The following HACE1 variants were observed in gnomAD, a reference collection of about 807,000 sequenced individuals.
The protein encoded by HACE1 is E3 ubiquitin-protein ligase HACE1.
A neutral mutation model predicts 118.4 loss-of-function variants in HACE1; 73 were observed. The ratio of observed to expected loss-of-function variants is 0.62; its 90% CI spans 0.51 to 0.75. HACE1 has a LOEUF of 0.75. HACE1 is among the 30% of genes least tolerant of loss of function. The pLI, the probability that HACE1 is intolerant of heterozygous loss-of-function variation, is 0.00. For synonymous variants in HACE1, 368 were observed against 374.8 expected (o/e 0.98, Z 0.21); for missense variants, 749 against 1,102.2 (o/e 0.68, Z 4.54).
At chr6:104,756,454 C>T (rs1778693506) in intron 19 of HACE1, among the ~76,000 whole-genome samples, 1 of 149,658 alleles carries the variant, frequency 6.7e-6, no homozygotes, top group East Asian at 1.9e-4. Context: ...TATACACACA[C>T]ACACACACTT....
chr6:104,764,446 T>C (rs1779749997), intron 19 of HACE1, among the ~76,000 whole-genome samples: 1 of 152,218 alleles, frequency 6.6e-6, no homozygotes, highest in Admixed American at 6.5e-5. Flanking sequence ...CTTCTAGGAA[T>C]GAGGAGTCAT....
chr6:104,818,932 C>A (rs1013978519), intron 6 of HACE1, among the ~76,000 whole-genome samples: 3 of 152,010 alleles, frequency 2.0e-5, no homozygotes, highest in African/African-American at 7.2e-5. Context: ...CAGCCAGTAT[C>A]ATAATGAATG....
chr6:104,796,799 C>G (rs1267893266), intron 8 of HACE1, 43 bp from the exon 9 acceptor site: 2 of 1,220,520 alleles, frequency 1.6e-6, no homozygotes, highest in Non-Finnish European at 2.4e-6. Context: ...AAAACAGTCC[C>G]TTTTAAAGTT....
intron 6 of HACE1, among the ~76,000 whole-genome samples, chr6:104,821,038 G>A (rs1772659060): frequency 6.6e-6 from 1 of 152,152 alleles, no homozygotes; most frequent in African/African-American, 2.4e-5. Context: ...GTCCTTTTCA[G>A]GGACATGAAT....
chr6:104,784,776 G>C (rs1380024016), intron 12 of HACE1, among the ~76,000 whole-genome samples: 1 of 151,894 alleles, frequency 6.6e-6, no homozygotes, highest in African/African-American at 2.4e-5. Flanking sequence ...TCCTATACAA[G>C]GTGACATTCA....
intron 22 of HACE1, among the ~76,000 whole-genome samples, chr6:104,735,351 G>A (rs1325528600): frequency 7.9e-5 from 12 of 152,112 alleles, no homozygotes; most frequent in African/African-American, 1.7e-4. Context: ...AAAATGGGCC[G>A]GGTGCGGTGG....
At chr6:104,820,367 T>G (rs1186880873) in intron 6 of HACE1, among the ~76,000 whole-genome samples, 1 of 152,154 alleles carries the variant, frequency 6.6e-6, no homozygotes, top group East Asian at 1.9e-4. Context: ...AAAGAGTTTC[T>G]GCATAGCGAA....
rs1284462702 is a variant in HACE1, at chr6:104,811,232, ATTTC to A, written c.617+75_617+78del. 5 of 238,242 alleles carry A rather than the reference ATTTC, an allele frequency of 2.1e-5. 1 individual carries two copies. The Admixed American group carries it at 2.7e-4, about 13-fold the overall frequency. The allele number at this position is 238,242 out of a possible 1,614,324, so 14.8% of individuals were successfully genotyped here. A position where few individuals can be genotyped will look rare whatever the true frequency, so the allele number is the denominator to read the frequency against. ...ATTATATACATCTGGAAATATATATATTTCTTTATTTATACATATATATATATAT... is the reference window on the plus strand; with the variant it reads ...ATTATATACATCTGGAAATATATATATTTATTTATACATATATATATATAT... On this transcript the variant is annotated intron_variant, in intron 7 of 23. Transcript: ENST00000262903.
chr6:104,809,655 CTTT>C (rs34661839), intron 7 of HACE1, among the ~76,000 whole-genome samples: 6 of 130,472 alleles, frequency 4.6e-5, no homozygotes, highest in African/African-American at 1.4e-4. Flanking sequence ...AGAGCAGATT[CTTT>C]TTTTTTTTTT....
At chr6:104,750,071 C>G (rs1777870367) in intron 20 of HACE1, among the ~76,000 whole-genome samples, 1 of 152,110 alleles carries the variant, frequency 6.6e-6, no homozygotes, top group South Asian at 2.1e-4. Context: ...CCTTCAACAT[C>G]TCCCATATAG....
At chr6:104,836,540 C>G (rs563971119) in intron 5 of HACE1, among the ~76,000 whole-genome samples, 2 of 151,902 alleles carry the variant, frequency 1.3e-5, no homozygotes, top group Non-Finnish European at 2.9e-5. Context: ...AGGTGTAACC[C>G]CGTCTCTATT....
At chr6:104,798,479 G>A (rs545935667) in intron 7 of HACE1, among the ~76,000 whole-genome samples, 2 of 152,106 alleles carry the variant, frequency 1.3e-5, no homozygotes, top group Admixed American at 1.3e-4. Flanking sequence ...TCACTCTCTT[G>A]ATACTTTATT....
rs780900462 is a variant in HACE1 at position 104,730,389 on chromosome 6, A to G, written c.2541T>C (p.Ala847=). The G allele has an allele frequency of 6.3e-7, 1 of 1,575,872 alleles. No individual in the cohort carries two copies. The highest frequency in any genetic ancestry group is 1.7e-5 in the Admixed American group (1 of 59,978). Residue 847 remains alanine, a synonymous_variant, in exon 23 of 24, where the codon GCT becomes GCC. Transcript: ENST00000262903. ...GSSRVPHGGF[A]NIMGGSGLQN... Reference sequence around the variant, plus strand: ...GCAATCCACTTCCACCCATGATATTAGCAAACCCACCATGTGGGACCCTGG... The same window carrying G: ...GCAATCCACTTCCACCCATGATATTGGCAAACCCACCATGTGGGACCCTGG...
Position 104,811,364 on chromosome 6 carries a change from A to G in HACE1, c.564T>C (p.Ala188=). The stretch of plus-strand genomic sequence containing the variant: ...CTGATACATTTGGCCTGTTAATATC[A>G]GCACCACTGTCTAGCAAGCACTGCA... ...TTVQCLLDSG[A]DINRPNVSGA... The change falls in exon 7 of 24, where the codon GCT becomes GCC. Residue 188 remains alanine, a synonymous_variant. Coordinates refer to ENST00000262903, the MANE Select transcript of HACE1 (RefSeq NM_020771.4). 1 of 1,544,204 alleles carries G rather than the reference A, an allele frequency of 6.5e-7. No homozygotes were observed.
chr6:104,845,238 T>C (rs1184203699), intron 4 of HACE1, among the ~76,000 whole-genome samples: 1 of 152,032 alleles, frequency 6.6e-6, no homozygotes, highest in East Asian at 1.9e-4. Flanking sequence ...ATCATATTTC[T>C]TTAATCAACT....
intron 19 of HACE1, among the ~76,000 whole-genome samples, chr6:104,752,729 T>C (rs573049696): frequency 6.6e-6 from 1 of 152,036 alleles, no homozygotes; most frequent in Non-Finnish European, 1.5e-5. Flanking sequence ...TATTTCCTCC[T>C]ACATTTTATT....
At chr6:104,831,777 C>T (rs1490940384) in intron 6 of HACE1, among the ~76,000 whole-genome samples, 1 of 151,436 alleles carries the variant, frequency 6.6e-6, no homozygotes, top group Non-Finnish European at 1.5e-5. Context: ...CCTGTAGTCC[C>T]AGCCACTCGG....
chr6:104,761,299 T>C (rs1418615263), intron 19 of HACE1, among the ~76,000 whole-genome samples: 2 of 152,086 alleles, frequency 1.3e-5, no homozygotes, highest in Admixed American at 6.6e-5. Context: ...CTTCAAACTA[T>C]ACTACAAGGC....
intron 17 of HACE1, among the ~76,000 whole-genome samples, chr6:104,774,036 C>G (rs1031117347): frequency 6.6e-6 from 1 of 150,556 alleles, no homozygotes; most frequent in South Asian, 2.1e-4. Context: ...TATCAGCTAA[C>G]TGAGTTCTTA....
Sources: allele counts gnomAD v4.1 joint callset (sites outside exome capture counted in the v4.1 genomes callset), GRCh38; gene constraint gnomAD v4.1.1; transcripts MANE v1.5; gene names NCBI Gene and HGNC (gene_info 2026-07-23, HGNC 2026-07-21).